TRA2A: variants seen among roughly 807,000 people sequenced by gnomAD.
The protein encoded by TRA2A is transformer 2 alpha homolog.
Under a neutral mutation model 45.7 loss-of-function variants are expected in TRA2A, and 31 were observed. That is an observed-to-expected ratio of 0.68 (90% CI 0.51 to 0.92). The LOEUF is 0.92. Ranked by LOEUF, TRA2A falls within the 40% of genes least tolerant of loss-of-function variation. The probability of loss-of-function intolerance (pLI) is 0.00; values close to 1 mark genes in which losing one functional copy is unlikely to be tolerated. For missense variants in TRA2A, 304 were observed against 367.5 expected (o/e 0.83, Z 1.41); for synonymous variants, 132 against 126.2 (o/e 1.05, Z -0.31).
Position 23,521,809 on chromosome 7 carries a change from C to T in TRA2A, c.68G>A (p.Gly23Glu). 3 of 1,614,064 alleles carry T rather than the reference C, an allele frequency of 1.9e-6. No homozygotes were observed. Among genetic ancestry groups the T allele is most frequent in the Non-Finnish European group, 2.5e-6 (3 of 1,180,032 alleles). ...ESRSQSKSPT[G>E]TPARVKSESR... is the part of the protein sequence containing the mutation. The stretch of plus-strand genomic sequence containing the variant: ...CTCCGATTTTACACGAGCAGGAGTT[C>T]CCGTTGGAGATTTTGACTGAGAGCG... The change falls in exon 2 of 8, where the codon GGA becomes GAA. Residue 23 changes from glycine (G) to glutamate (E), a missense_variant. By Grantham distance (98) the Gly-to-Glu change is moderately conservative. Coordinates refer to ENST00000297071, the MANE Select transcript of TRA2A (RefSeq NM_013293.5).
intron 2 of TRA2A, among the ~76,000 whole-genome samples, chr7:23,519,726 G>C (rs1790048907): frequency 6.6e-6 from 1 of 152,108 alleles, no homozygotes; most frequent in Non-Finnish European, 1.5e-5. Flanking sequence ...ATTTTACAAA[G>C]TGAGGATATG....
rs974417566 is a variant in TRA2A at position 23,511,405 on chromosome 7, A to G, written c.525+1489T>C. Among the ~76,000 whole-genome samples, 331 of 44,400 alleles carry G rather than the reference A, an allele frequency of 7.5e-3. 1 individual carries two copies. The highest frequency in any genetic ancestry group is 0.013 in the Non-Finnish European group (274 of 21,440). 29.1% of individuals were successfully genotyped at this position (44,400 alleles called of 152,430 possible). On this transcript the variant is annotated intron_variant, in intron 4 of 7. Transcript: ENST00000297071. Reference sequence around the variant, plus strand: ...AAAAAAAAAAAAAAAAAAAAAAAAAAAAAAAGAAAAGAAAAGAAAAGAAAA... The same window carrying G: ...AAAAAAAAAAAAAAAAAAAAAAAAAGAAAAAGAAAAGAAAAGAAAAGAAAA...
chr7:23,524,861 T>C (rs948711816), intron 1 of TRA2A, among the ~76,000 whole-genome samples: 1 of 151,864 alleles, frequency 6.6e-6, no homozygotes, highest in Non-Finnish European at 1.5e-5. Context: ...CCAGCTAATT[T>C]TTGTGTTTTT....
intron 4 of TRA2A, among the ~76,000 whole-genome samples, chr7:23,508,050 T>C (rs1421509516): frequency 1.3e-5 from 2 of 152,138 alleles, no homozygotes; most frequent in Non-Finnish European, 2.9e-5. Context: ...TTTTATAACC[T>C]GCCCCCAATC....
chr7:23,526,479 G>C (rs1347816872), intron 1 of TRA2A, among the ~76,000 whole-genome samples: 1 of 152,124 alleles, frequency 6.6e-6, no homozygotes, highest in Non-Finnish European at 1.5e-5. Flanking sequence ...TACCCAAAAA[G>C]AAGGGAAATG....
At chr7:23,506,409 G>A (rs1789341692) in intron 5 of TRA2A, 143 bp from the exon 6 acceptor site, 1 of 1,011,186 alleles carries the variant, frequency 9.9e-7, no homozygotes, top group Non-Finnish European at 1.4e-6. Flanking sequence ...TCATTTTACT[G>A]ACTCCCATGG....
Position 23,505,349 on chromosome 7 carries a change from C to A in TRA2A, c.*210G>T. ...TTCTTTTTATACTCAAGATGTTTAA[C>A]TGTTCAAAATGACAACAATTACATC... On this transcript the variant is annotated 3_prime_UTR_variant, in exon 8 of 8. Coordinates refer to ENST00000297071, the MANE Select transcript of TRA2A (RefSeq NM_013293.5). 2.4e-6 allele frequency: 1 copy of A among 418,640 alleles called. No homozygotes were observed. The allele number at this position is 418,640 out of a possible 1,614,324, so 25.9% of individuals were successfully genotyped here.
At chr7:23,508,894 G>A (rs931568441) in intron 4 of TRA2A, among the ~76,000 whole-genome samples, 5 of 152,122 alleles carry the variant, frequency 3.3e-5, no homozygotes, top group Non-Finnish European at 5.9e-5. Context: ...CAAATAGCAT[G>A]AGCCGCCTTG....
chr7:23,507,672 G>A, intron 4 of TRA2A, 137 bp from the exon 5 acceptor site: 1 of 645,954 alleles, frequency 1.5e-6, no homozygotes, highest in Non-Finnish European at 2.8e-6. Context: ...CTTGTACAGG[G>A]CATTGTATAG....
chr7:23,505,810 T>A lies in TRA2A; in HGVS notation c.774A>T (p.Arg258Ser). 1 of 1,534,138 alleles carries A rather than the reference T, an allele frequency of 6.5e-7. No individual in the cohort carries two copies. Among genetic ancestry groups the A allele is most frequent in the Non-Finnish European group, 8.7e-7 (1 of 1,143,618 alleles). Residue 258 changes from arginine to serine, a missense_variant, in exon 7 of 8, where the codon AGA becomes AGT. Around this residue, in one of 3 missense-constraint regions of TRA2A, gnomAD observed 42 missense variants for 37.0 expected, o/e 1.14. Coordinates refer to ENST00000297071, the MANE Select transcript of TRA2A (RefSeq NM_013293.5). ...RYEDYDYRYRRRSPSPYYSRY... is the reference protein window; with the variant it reads ...RYEDYDYRYRSRSPSPYYSRY... Reference sequence around the variant, plus strand: ...GACTATAATAAGGAGAAGGTGATCGTCTTCTGTAAGAAATGAAAGATTACT... The same window carrying A: ...GACTATAATAAGGAGAAGGTGATCGACTTCTGTAAGAAATGAAAGATTACT...
At chr7:23,517,503 A>AAAAAAAAAAAAAAAAAAAGAG (rs764849438) in intron 2 of TRA2A, among the ~76,000 whole-genome samples, 7 of 116,206 alleles carry the variant, frequency 6.0e-5, no homozygotes, top group East Asian at 3.3e-4. Context: ...AAAAAAAAAA[A>AAAAAAAAAAAAAAAAAAAGAG]AGAGAGAAAG....
intron 1 of TRA2A, among the ~76,000 whole-genome samples, chr7:23,528,651 T>C (rs987817663): frequency 1.3e-5 from 2 of 151,934 alleles, no homozygotes; most frequent in African/African-American, 4.8e-5. Flanking sequence ...AATTCCAAAT[T>C]GATACAGATA....
intron 4 of TRA2A, among the ~76,000 whole-genome samples, chr7:23,507,806 T>C (rs986867631): frequency 6.6e-6 from 1 of 152,142 alleles, no homozygotes; most frequent in African/African-American, 2.4e-5. Context: ...CTCCATGAGA[T>C]CAACAAAGAG....
chr7:23,505,465 T>G lies in TRA2A; in HGVS notation c.*94A>C, dbSNP rs1335992590. 10 of 498,372 alleles carry G rather than the reference T, an allele frequency of 2.0e-5. No individual in the cohort carries two copies. Among genetic ancestry groups the G allele is most frequent in the Non-Finnish European group, 3.4e-5 (10 of 290,376 alleles). The allele number at this position is 498,372 out of a possible 1,614,324, so 30.9% of individuals were successfully genotyped here. Reference sequence around the variant, plus strand: ...AAACCAAAGTTTTTTTCTTAAGGAGTAGGAAGAATCCACAGCTTGGGGAAA... The same window carrying G: ...AAACCAAAGTTTTTTTCTTAAGGAGGAGGAAGAATCCACAGCTTGGGGAAA... On this transcript the variant is annotated 3_prime_UTR_variant, in exon 8 of 8. Transcript: ENST00000297071.
At chr7:23,525,853 C>T (rs768429559) in intron 1 of TRA2A, among the ~76,000 whole-genome samples, 7 of 152,184 alleles carry the variant, frequency 4.6e-5, no homozygotes, top group Non-Finnish European at 5.9e-5. Flanking sequence ...GCCTCAGCCT[C>T]GCAAAGTGCT....
At chr7:23,521,257 G>A (rs1193170650) in intron 2 of TRA2A, among the ~76,000 whole-genome samples, 1 of 152,156 alleles carries the variant, frequency 6.6e-6, no homozygotes, top group African/African-American at 2.4e-5. Context: ...AACTTTCTCT[G>A]CATTAAATTA....
chr7:23,508,381 C>T (rs1467841382), intron 4 of TRA2A, among the ~76,000 whole-genome samples: 1 of 151,722 alleles, frequency 6.6e-6, no homozygotes, highest in Non-Finnish European at 1.5e-5. Flanking sequence ...AATCCTCCAG[C>T]CTTAGTCTCC....
chr7:23,507,617 T>C, intron 4 of TRA2A, 82 bp from the exon 5 acceptor site: 1 of 982,232 alleles, frequency 1.0e-6, no homozygotes. Flanking sequence ...ACAAAGTATA[T>C]GTAATCCAAA....
chr7:23,505,667 A>G, intron 7 of TRA2A, 79 bp downstream of exon 7: 6 of 903,554 alleles, frequency 6.6e-6, no homozygotes, highest in Non-Finnish European at 1.0e-5. Context: ...GCCACCTTCC[A>G]CCTTATACTC....
Sources: gnomAD v4.1 joint callset for allele counts (sites outside exome capture counted in the v4.1 genomes callset) on GRCh38, gnomAD v4.1.1 for gene constraint, gnomAD v4.1.1 regional missense constraint, MANE v1.5 for transcripts, NCBI Gene and HGNC (gene_info 2026-07-23, HGNC 2026-07-21) for gene names.